The following AGBL4 variants were observed in gnomAD, a reference collection of about 807,000 sequenced individuals.
AGBL4 encodes cytosolic carboxypeptidase 6.
A neutral mutation model predicts 66.4 loss-of-function variants in AGBL4; 58 were observed. That is an observed-to-expected ratio of 0.87 (90% CI 0.71 to 1.09). The LOEUF is 1.09. AGBL4 is among the 50% of genes least tolerant of loss of function. The pLI is 0.00. For synonymous variants in AGBL4, 234 were observed against 222.9 expected, an observed-to-expected ratio of 1.05 and a Z score of -0.44; for missense variants, 579 against 631.0, an observed-to-expected ratio of 0.92 and a Z score of 0.88.
intron 3 of AGBL4, among the ~76,000 whole-genome samples, chr1:49,554,524 T>C (rs961455587): frequency 1.3e-4 from 20 of 152,356 alleles, no homozygotes; most frequent in African/African-American, 4.6e-4. Flanking sequence ...TCATTAGTGA[T>C]GTTTTTCAAG....
At chr1:49,505,317 C>A (rs1046845606) in intron 3 of AGBL4, among the ~76,000 whole-genome samples, 14 of 151,798 alleles carry the variant, frequency 9.2e-5, no homozygotes, top group African/African-American at 3.4e-4. Flanking sequence ...GTTACTTTAA[C>A]CAGTGAGTTT....
chr1:48,883,822 T>C (rs1650024248), intron 5 of AGBL4, among the ~76,000 whole-genome samples: 1 of 152,214 alleles, frequency 6.6e-6, no homozygotes, highest in Non-Finnish European at 1.5e-5. Flanking sequence ...TTTTCTAAAT[T>C]GTCCTTTATT....
At position 49,033,443 on chromosome 1, in the gene AGBL4, C is replaced by T. The variant is rs544402159; in HGVS notation, c.594+12141G>A. On this transcript the variant is annotated intron_variant, in intron 5 of 13. Coordinates refer to ENST00000371839, the MANE Select transcript of AGBL4 (RefSeq NM_032785.4). ...GTATCCAGTTGCAACTATATCAAGGCGGAAAAAGAAGAAAGCGGGAAGGAA... is the reference window on the plus strand; with the variant it reads ...GTATCCAGTTGCAACTATATCAAGGTGGAAAAAGAAGAAAGCGGGAAGGAA... Among the ~76,000 whole-genome samples the T allele has an allele frequency of 5.9e-5, 9 of 152,108 alleles. No individual in the cohort carries two copies. In the East Asian group the frequency reaches 1.4e-3, roughly 23 times the overall value.
intron 8 of AGBL4, chr1:48,647,516 C>T: frequency 2.8e-6 from 1 of 354,342 alleles, no homozygotes; most frequent in Non-Finnish European, 5.7e-6. Context: ...ATTTTTATGC[C>T]CAGAAACATA....
chr1:49,762,472 C>T (rs1473999551), intron 2 of AGBL4, among the ~76,000 whole-genome samples: 6 of 149,608 alleles, frequency 4.0e-5, no homozygotes, highest in East Asian at 2.0e-4. Flanking sequence ...GAGTGCAGTG[C>T]CGCGATCTTG....
chr1:49,034,531 G>A (rs541915741), intron 5 of AGBL4, among the ~76,000 whole-genome samples: 3 of 152,156 alleles, frequency 2.0e-5, no homozygotes, highest in South Asian at 4.2e-4. Context: ...GTATTGATAT[G>A]GTTTGGCTCT....
Position 49,100,989 on chromosome 1 carries a change from T to C in AGBL4, c.378-55189A>G, listed in dbSNP as rs142586778. Among the ~76,000 whole-genome samples, 240 of 152,170 alleles carry C rather than the reference T, an allele frequency of 1.6e-3. 4 individuals carry two copies. Among genetic ancestry groups the C allele is most frequent in the African/African-American group, 5.6e-3 (233 of 41,512 alleles). On this transcript the variant is annotated intron_variant, in intron 4 of 13. Coordinates refer to ENST00000371839, the MANE Select transcript of AGBL4 (RefSeq NM_032785.4). Reference sequence around the variant, plus strand: ...GGACATTCAAGTCCAAATTAATGTCTAGGAGGAAAGGACAACTCAATGAGC... The same window carrying C: ...GGACATTCAAGTCCAAATTAATGTCCAGGAGGAAAGGACAACTCAATGAGC...
At chr1:48,984,616 C>T (rs1012826718) in intron 5 of AGBL4, among the ~76,000 whole-genome samples, 1 of 149,644 alleles carries the variant, frequency 6.7e-6, no homozygotes, top group African/African-American at 2.5e-5. Flanking sequence ...TAAAAAAAAC[C>T]CCAATACTGT....
At chr1:48,791,508 G>T (rs1329667612) in intron 6 of AGBL4, among the ~76,000 whole-genome samples, 1 of 152,138 alleles carries the variant, frequency 6.6e-6, no homozygotes, top group Non-Finnish European at 1.5e-5. Flanking sequence ...AACCCATTTT[G>T]GGGGTTGCCC....
intron 4 of AGBL4, among the ~76,000 whole-genome samples, chr1:49,142,964 GA>G (rs1030328083): frequency 7.9e-5 from 12 of 152,062 alleles, no homozygotes; most frequent in Non-Finnish European, 1.5e-4. Flanking sequence ...GCAAGGGATA[GA>G]AAAATAAACA....
intron 1 of AGBL4, among the ~76,000 whole-genome samples, chr1:49,891,154 G>A (rs926156934): frequency 2.0e-5 from 3 of 152,126 alleles, no homozygotes; most frequent in African/African-American, 7.2e-5. Flanking sequence ...GTGTAAAGAT[G>A]CTGAAGAAGA....
chr1:48,849,938 A>G (rs1347533798), intron 6 of AGBL4, among the ~76,000 whole-genome samples: 1 of 152,190 alleles, frequency 6.6e-6, no homozygotes, highest in African/African-American at 2.4e-5. Context: ...GCACCACTGC[A>G]CTCCAGCCTG....
chr1:50,001,467 AT>A (rs1660747367), intron 1 of AGBL4, among the ~76,000 whole-genome samples: 1 of 149,772 alleles, frequency 6.7e-6, no homozygotes, highest in African/African-American at 2.5e-5. Context: ...GTGTCCGTAT[AT>A]GTGTGTGTCT....
chr1:49,330,315 G>C (rs1485602885), intron 3 of AGBL4, among the ~76,000 whole-genome samples: 4 of 152,204 alleles, frequency 2.6e-5, no homozygotes, highest in Non-Finnish European at 5.9e-5. Context: ...TACTTGGGAG[G>C]CTGAGGCAGG....
At chr1:48,766,451 C>A (rs777479580) in intron 6 of AGBL4, among the ~76,000 whole-genome samples, 4 of 152,264 alleles carry the variant, frequency 2.6e-5, no homozygotes, top group Non-Finnish European at 4.4e-5. Context: ...AGCAGAAGAC[C>A]ACTTGACTCC....
At chr1:49,546,214 T>C (rs895800383) in intron 3 of AGBL4, among the ~76,000 whole-genome samples, 1 of 152,104 alleles carries the variant, frequency 6.6e-6, no homozygotes, top group South Asian at 2.1e-4. Flanking sequence ...TGTTAATTCA[T>C]CCCTTTTTTA....
the AGBL4 span, among the ~76,000 whole-genome samples, chr1:48,524,960 G>T: frequency 6.6e-6 from 1 of 151,930 alleles, no homozygotes; most frequent in African/African-American, 2.4e-5. Context: ...AAGTTTCAGG[G>T]TTGCTTTTAT....
intron 3 of AGBL4, among the ~76,000 whole-genome samples, chr1:49,404,597 G>C (rs892849830): frequency 6.6e-6 from 1 of 152,186 alleles, no homozygotes; most frequent in African/African-American, 2.4e-5. Context: ...CTTGAGGGTA[G>C]TGGAACCTAC....
chr1:49,377,686 T>C (rs1644500496), intron 3 of AGBL4, among the ~76,000 whole-genome samples: 1 of 152,060 alleles, frequency 6.6e-6, no homozygotes. Context: ...GAATATCAGC[T>C]TTTATATTCG....
Sources: allele counts gnomAD v4.1 joint callset (sites outside exome capture counted in the v4.1 genomes callset), GRCh38; gene constraint gnomAD v4.1.1; transcripts MANE v1.5; gene names NCBI Gene and HGNC (gene_info 2026-07-23, HGNC 2026-07-21).